Variants in FUT8 observed in about 807,000 individuals in gnomAD.
The protein encoded by FUT8 is alpha-(1,6)-fucosyltransferase.
Under a neutral mutation model 71.3 loss-of-function variants are expected in FUT8, and 29 were observed. That is an observed-to-expected ratio of 0.41 (90% CI 0.30 to 0.55). The LOEUF is 0.55. Among genes scored for constraint, FUT8 ranks in the 20% least tolerant of loss-of-function variants. The pLI is 0.34. For synonymous variants in FUT8, 254 were observed against 239.3 expected (o/e 1.06, Z -0.57); for missense variants, 544 against 702.1 (o/e 0.77, Z 2.55).
chr14:65,492,706 T>G (rs370084479), intron 2 of FUT8, among the ~76,000 whole-genome samples: 6 of 152,246 alleles, frequency 3.9e-5, no homozygotes. Context: ...ACTTTAGATT[T>G]CAGGAGAAGG....
chr14:65,358,958 A>G, the FUT8 span, among the ~76,000 whole-genome samples: 1 of 152,228 alleles, frequency 6.6e-6, no homozygotes, highest in Admixed American at 6.5e-5. Flanking sequence ...CTACACAACC[A>G]GAACACTATG....
chr14:65,551,663 A>C (rs575562810), intron 2 of FUT8, among the ~76,000 whole-genome samples: 2 of 152,188 alleles, frequency 1.3e-5, no homozygotes, highest in Admixed American at 1.3e-4. Context: ...CTACTTTGCA[A>C]ACTCATCAAG....
intron 2 of FUT8, among the ~76,000 whole-genome samples, chr14:65,507,291 A>G (rs1298702833): frequency 6.6e-6 from 1 of 152,204 alleles, no homozygotes; most frequent in Admixed American, 6.5e-5. Flanking sequence ...CGGCCTTCCA[A>G]GAAGATTTGT....
At chr14:65,578,442 C>T (rs1173707382) in intron 3 of FUT8, among the ~76,000 whole-genome samples, 1 of 152,166 alleles carries the variant, frequency 6.6e-6, no homozygotes, top group Non-Finnish European at 1.5e-5. Context: ...GTTATATTGA[C>T]GTCTTTTAAT....
chr14:65,437,298 C>T (rs1332868551), intron 1 of FUT8, among the ~76,000 whole-genome samples: 1 of 152,074 alleles, frequency 6.6e-6, no homozygotes, highest in African/African-American at 2.4e-5. Flanking sequence ...CAATTGAAAG[C>T]ATTTACTACC....
the FUT8 span, among the ~76,000 whole-genome samples, chr14:65,364,568 C>T: frequency 6.6e-6 from 1 of 152,172 alleles, no homozygotes; most frequent in African/African-American, 2.4e-5. Flanking sequence ...CATTCTTTTG[C>T]ATCAATGGAG....
intron 3 of FUT8, among the ~76,000 whole-genome samples, chr14:65,610,468 C>T (rs1380042781): frequency 6.6e-6 from 1 of 151,430 alleles, no homozygotes; most frequent in African/African-American, 2.4e-5. Context: ...CGGCTCACCA[C>T]AGCCTCTGTC....
At chr14:65,409,947 AC>A (rs1215877753), upstream of FUT8, among the ~76,000 whole-genome samples, 2 of 152,190 alleles carry the variant, frequency 1.3e-5, no homozygotes, top group African/African-American at 2.4e-5. This position sits in a 1 kb window ranked among gnomAD's most constrained non-coding sequence, Gnocchi z 5.4. Flanking sequence ...ACCTGTACTT[AC>A]TTAAGCAACT....
intron 6 of FUT8, among the ~76,000 whole-genome samples, chr14:65,665,122 T>C (rs187926666): frequency 3.9e-4 from 59 of 152,318 alleles, no homozygotes; most frequent in Admixed American, 1.4e-3. Context: ...AGTATGATTT[T>C]TTAAATGTTC....
rs535180628 is a variant in FUT8, at chr14:65,717,786, G to A, written c.836-3989G>A. 5.4e-4 allele frequency among the ~76,000 whole-genome samples: 80 copies of A among 148,526 alleles called. 1 individual carries two copies. Among genetic ancestry groups the A allele is most frequent in the Middle Eastern group, 3.8e-3 (1 of 266 alleles). On this transcript the variant is annotated intron_variant, in intron 7 of 10. Coordinates refer to ENST00000673929, the MANE Select transcript of FUT8 (RefSeq NM_001371533.1). ...CAGAGGCACTCCTCAGTTCCCAGAC[G>A]GGGCGGCCAGGCAGAGGCGCTCCTC...
chr14:65,689,511 C>T (rs1893469156), intron 7 of FUT8, among the ~76,000 whole-genome samples: 1 of 152,066 alleles, frequency 6.6e-6, no homozygotes. Flanking sequence ...AACTATGTCT[C>T]ATAGAGCAGA....
At chr14:65,366,782 C>G in the FUT8 span, among the ~76,000 whole-genome samples, 4 of 152,102 alleles carry the variant, frequency 2.6e-5, no homozygotes, top group Non-Finnish European at 5.9e-5. Flanking sequence ...TCTTTTAAAC[C>G]AGTTTTTCAT....
intron 7 of FUT8, among the ~76,000 whole-genome samples, chr14:65,718,202 A>C (rs200747959): frequency 1.3e-5 from 2 of 151,440 alleles, no homozygotes; most frequent in South Asian, 2.1e-4. Flanking sequence ...GGTTTGTTTT[A>C]ATTTCTTGCT....
chr14:65,426,710 C>T (rs1053580226), intron 1 of FUT8, among the ~76,000 whole-genome samples: 1 of 152,180 alleles, frequency 6.6e-6, no homozygotes, highest in Admixed American at 6.5e-5. Context: ...GCTCTTCTTA[C>T]ACCTGCTGTT....
intron 7 of FUT8, among the ~76,000 whole-genome samples, chr14:65,692,538 C>T (rs1226915521): frequency 1.5e-5 from 2 of 132,022 alleles, no homozygotes; most frequent in Admixed American, 7.3e-5. Context: ...CCGGACGGGG[C>T]GGCTGGCCGG....
the FUT8 span, among the ~76,000 whole-genome samples, chr14:65,375,149 C>G: frequency 6.6e-6 from 1 of 152,070 alleles, no homozygotes; most frequent in South Asian, 2.1e-4. Context: ...TGTTTAGTTC[C>G]TCAATACACC....
chr14:65,633,403 C>T (rs917063484), intron 6 of FUT8, among the ~76,000 whole-genome samples: 4 of 152,214 alleles, frequency 2.6e-5, no homozygotes, highest in Non-Finnish European at 5.9e-5. Flanking sequence ...CCTTGGCCTC[C>T]CAAAGTGCCG....
intron 10 of FUT8, among the ~76,000 whole-genome samples, chr14:65,738,599 A>T (rs974105690): frequency 1.1e-4 from 16 of 152,238 alleles, no homozygotes; most frequent in African/African-American, 3.8e-4. Flanking sequence ...GCTCTCAGTC[A>T]TGCCACCTGT....
intron 2 of FUT8, among the ~76,000 whole-genome samples, chr14:65,560,915 G>T (rs547546487): frequency 1.3e-5 from 2 of 152,270 alleles, no homozygotes; most frequent in South Asian, 4.1e-4. Flanking sequence ...TTGAGAACTG[G>T]TAGAAATGAA....
Sources: allele counts gnomAD v4.1 joint callset (sites outside exome capture counted in the v4.1 genomes callset), GRCh38; gene constraint gnomAD v4.1.1; non-coding constraint Gnocchi (gnomAD v3.1); transcripts MANE v1.5; gene names NCBI Gene and HGNC (gene_info 2026-07-23, HGNC 2026-07-21).